Variants in TLK1 observed in about 807,000 individuals in gnomAD.
The protein encoded by TLK1 is serine/threonine-protein kinase tousled-like 1.
TLK1 carries 24 observed loss-of-function variants against 105.3 expected under a neutral mutation model. The ratio of observed to expected loss-of-function variants is 0.23; its 90% confidence interval spans 0.17 to 0.32. The LOEUF is 0.32. Among genes scored for constraint, TLK1 ranks in the 10% least tolerant of loss-of-function variants. The probability of loss-of-function intolerance (pLI) is 1.00; values close to 1 mark genes in which losing one functional copy is unlikely to be tolerated. For missense variants in TLK1, 558 were observed against 910.5 expected (o/e 0.61, Z 4.98); for synonymous variants, 321 against 310.4 (o/e 1.03, Z -0.36).
At chr2:171,208,368 TTTAA>T (rs201523306) in intron 1 of TLK1, among the ~76,000 whole-genome samples, 2,717 of 152,240 alleles carry the variant, frequency 0.018, 78 homozygotes, top group African/African-American at 0.061. Flanking sequence ...ATTGAAGGAT[TTTAA>T]TTAATTATGT....
At chr2:171,227,157 C>T (rs538976497) in intron 1 of TLK1, among the ~76,000 whole-genome samples, 2 of 152,216 alleles carry the variant, frequency 1.3e-5, no homozygotes, top group Admixed American at 1.3e-4. Context: ...TTTGAGACTC[C>T]CTACTACCCC....
At chr2:171,143,821 A>G (rs1691687510) in intron 1 of TLK1, among the ~76,000 whole-genome samples, 1 of 152,148 alleles carries the variant, frequency 6.6e-6, no homozygotes, top group Admixed American at 6.5e-5. Context: ...AAACAAAACA[A>G]AGTGGCAGAC....
chr2:171,094,132 T>A (rs372221451), intron 2 of TLK1, among the ~76,000 whole-genome samples: 1 of 151,952 alleles, frequency 6.6e-6, no homozygotes, highest in Admixed American at 6.6e-5. Context: ...TTTATAAGTA[T>A]ATTATTTGAA....
chr2:171,001,359 C>T (rs1318812948), intron 18 of TLK1, among the ~76,000 whole-genome samples: 2 of 152,096 alleles, frequency 1.3e-5, no homozygotes, highest in Non-Finnish European at 2.9e-5. Flanking sequence ...TCCTAGGTGG[C>T]CAGGGGCATT....
intron 3 of TLK1, among the ~76,000 whole-genome samples, chr2:171,071,624 T>C (rs1688261152): frequency 6.6e-6 from 1 of 151,620 alleles, no homozygotes; most frequent in South Asian, 2.1e-4. Flanking sequence ...CCTGTGCTTG[T>C]CGGGTATTAC....
At position 170,993,666 on chromosome 2, in the gene TLK1, TGTAAA is replaced by T. The variant is rs1367974097; in HGVS notation, c.*109_*113del. 4.5e-6 allele frequency: 3 copies of T among 670,348 alleles called. No individual in the cohort carries two copies. Among genetic ancestry groups the T allele is most frequent in the African/African-American group, 8.0e-5 (2 of 24,962 alleles). 41.5% of individuals were successfully genotyped at this position (670,348 alleles called of 1,614,324 possible). ...ACAAACAGTTCTTAACCACGTCTTGTGTAAAAAAAAAAAAAAAAAAAAAAGAAAAA... is the reference window on the plus strand; with the variant it reads ...ACAAACAGTTCTTAACCACGTCTTGTAAAAAAAAAAAAAAAAAAAGAAAAA... On this transcript the variant is annotated 3_prime_UTR_variant, in exon 21 of 21. Transcript: ENST00000431350.
At chr2:171,113,073 A>G (rs1317705204) in intron 2 of TLK1, among the ~76,000 whole-genome samples, 2 of 152,202 alleles carry the variant, frequency 1.3e-5, no homozygotes, top group African/African-American at 4.8e-5. Context: ...ATGAAGGACT[A>G]AAGATCCATA....
chr2:171,171,899 C>G (rs1692736319), intron 1 of TLK1, among the ~76,000 whole-genome samples: 1 of 152,124 alleles, frequency 6.6e-6, no homozygotes, highest in Admixed American at 6.5e-5. Flanking sequence ...TATCTGTGAT[C>G]CATCAATTTC....
chr2:171,188,099 A>C (rs1347659108), intron 1 of TLK1, among the ~76,000 whole-genome samples: 1 of 152,230 alleles, frequency 6.6e-6, no homozygotes. Flanking sequence ...TTCAAGGGTC[A>C]AGTGAAATTC....
chr2:171,023,862 T>G (rs994014450), intron 12 of TLK1, among the ~76,000 whole-genome samples: 10 of 152,190 alleles, frequency 6.6e-5, no homozygotes, highest in Admixed American at 2.0e-4. Context: ...ATAATCAACC[T>G]AGCAGAGCTT....
chr2:171,188,676 C>T (rs1425105241), intron 1 of TLK1, among the ~76,000 whole-genome samples: 1 of 140,760 alleles, frequency 7.1e-6, no homozygotes, highest in Non-Finnish European at 1.5e-5. Context: ...CATTGCACTC[C>T]AGCCCAGCAA....
In TLK1 at chr2:171,076,548, T is replaced by C. The variant is rs558740391; in HGVS notation, c.330+6233A>G. 3.6e-4 allele frequency among the ~76,000 whole-genome samples: 55 copies of C among 151,974 alleles called. 1 individual carries two copies. The highest frequency in any genetic ancestry group is 1.2e-3 in the African/African-American group (51 of 41,440). On this transcript the variant is annotated intron_variant, in intron 3 of 20. Coordinates refer to ENST00000431350, the MANE Select transcript of TLK1 (RefSeq NM_012290.5). Reference sequence around the variant, plus strand: ...GAGACACAAGATCATTGTGTTTAGATAGTGAAAGTGCTACAAGAAGAACTG... The same window carrying C: ...GAGACACAAGATCATTGTGTTTAGACAGTGAAAGTGCTACAAGAAGAACTG...
intron 4 of TLK1, among the ~76,000 whole-genome samples, chr2:171,060,820 C>G (rs7609525): frequency 6.6e-6 from 1 of 151,766 alleles, no homozygotes; most frequent in African/African-American, 2.4e-5. Context: ...CAATACAATA[C>G]ATATAAAGAA....
chr2:171,005,992 C>T (rs1340119100), intron 18 of TLK1, among the ~76,000 whole-genome samples, 155 bp downstream of exon 18: 1 of 151,874 alleles, frequency 6.6e-6, no homozygotes, highest in Non-Finnish European at 1.5e-5. Context: ...AGAGGAATGA[C>T]CACAGAAGTC....
chr2:171,040,279 A>T (rs1370690771), intron 11 of TLK1, among the ~76,000 whole-genome samples: 1 of 152,212 alleles, frequency 6.6e-6, no homozygotes, highest in Non-Finnish European at 1.5e-5. Flanking sequence ...TCAGTTATAC[A>T]TTTGTCAAAA....
chr2:171,083,639 T>A (rs1003513140), intron 2 of TLK1, among the ~76,000 whole-genome samples: 1 of 152,164 alleles, frequency 6.6e-6, no homozygotes, highest in African/African-American at 2.4e-5. Context: ...GGCAAGCCAA[T>A]TGATATCCTC....
chr2:171,224,531 C>T (rs909878308), intron 1 of TLK1, among the ~76,000 whole-genome samples: 2 of 151,942 alleles, frequency 1.3e-5, no homozygotes, highest in Non-Finnish European at 2.9e-5. Context: ...ATTCTTAAAC[C>T]TTATCCTTCT....
intron 1 of TLK1, among the ~76,000 whole-genome samples, chr2:171,142,499 C>T (rs929093916): frequency 1.3e-5 from 2 of 152,106 alleles, no homozygotes; most frequent in African/African-American, 4.8e-5. Context: ...ATTAAAAACA[C>T]TACAAGGTAA....
At chr2:171,181,630 G>T (rs1692930396) in intron 1 of TLK1, among the ~76,000 whole-genome samples, 1 of 152,150 alleles carries the variant, frequency 6.6e-6, no homozygotes, top group Admixed American at 6.5e-5. Flanking sequence ...AGATCACGTG[G>T]CAAGAAAGGA....
Sources: allele counts gnomAD v4.1 joint callset (sites outside exome capture counted in the v4.1 genomes callset), GRCh38; gene constraint gnomAD v4.1.1; transcripts MANE v1.5; gene names NCBI Gene and HGNC (gene_info 2026-07-23, HGNC 2026-07-21).